The following SPOCK1 variants were observed in gnomAD, a reference collection of about 807,000 sequenced individuals.
SPOCK1 encodes SPARC (osteonectin), cwcv and kazal like domains proteoglycan 1, also known as testican-1.
A neutral mutation model predicts 55.3 loss-of-function variants in SPOCK1; 23 were observed. The ratio of observed to expected loss-of-function variants is 0.42; its 90% CI spans 0.30 to 0.59. SPOCK1 has a LOEUF of 0.59. Ranked by LOEUF, SPOCK1 falls within the 20% of genes least tolerant of loss-of-function variation. The pLI is 0.22. For synonymous variants in SPOCK1, 226 were observed against 221.0 expected (o/e 1.02, Z -0.20); for missense variants, 499 against 552.5 (o/e 0.90, Z 0.97).
intron 8 of SPOCK1, among the ~76,000 whole-genome samples, chr5:136,987,373 A>G (rs1257077341): frequency 2.0e-5 from 3 of 152,180 alleles, no homozygotes; most frequent in African/African-American, 7.2e-5. Flanking sequence ...TATACAAAGA[A>G]CATATAGACA....
chr5:137,443,369 T>G (rs1180410588), intron 2 of SPOCK1, among the ~76,000 whole-genome samples: 2 of 152,210 alleles, frequency 1.3e-5, no homozygotes, highest in Non-Finnish European at 2.9e-5. Flanking sequence ...CACTCATTTC[T>G]CCTTGCCTTT....
chr5:137,152,144 C>G (rs550214859), intron 3 of SPOCK1, among the ~76,000 whole-genome samples: 2 of 152,162 alleles, frequency 1.3e-5, no homozygotes, highest in African/African-American at 4.8e-5. Context: ...TGGTTGCATC[C>G]CCCACTATAG....
rs1420667491 is a variant in SPOCK1 at position 136,995,284 on chromosome 5, G to T, written c.590-2684C>A. The stretch of plus-strand genomic sequence containing the variant: ...TGAGAAAGAAGATAAGCCCCCACAA[G>T]CCAGGAACCAGCATCTCTTGCTAAG... On this transcript the variant is annotated intron_variant, in intron 6 of 10. Coordinates refer to ENST00000394945, the MANE Select transcript of SPOCK1 (RefSeq NM_004598.4). Among the ~76,000 whole-genome samples, 3 of 152,148 alleles carry T rather than the reference G, an allele frequency of 2.0e-5. No individual in the cohort carries two copies. The South Asian group carries it at 6.2e-4, about 32-fold the overall frequency.
At chr5:137,418,839 A>C (rs367836737) in intron 2 of SPOCK1, among the ~76,000 whole-genome samples, 38 of 152,008 alleles carry the variant, frequency 2.5e-4, no homozygotes, top group Admixed American at 1.3e-4. Flanking sequence ...GCTTTTGTTG[A>C]CATTGCTTTT....
intron 3 of SPOCK1, among the ~76,000 whole-genome samples, chr5:137,164,223 G>A (rs1025247944): frequency 6.6e-6 from 1 of 152,024 alleles, no homozygotes; most frequent in African/African-American, 2.4e-5. Flanking sequence ...GATTAAGTTT[G>A]TCTTTTTTTT....
intron 5 of SPOCK1, among the ~76,000 whole-genome samples, chr5:137,075,309 T>C (rs1157581498): frequency 6.6e-6 from 1 of 152,140 alleles, no homozygotes; most frequent in East Asian, 1.9e-4. Context: ...CCTAAGCTCC[T>C]CCCTCCCCAG....
intron 7 of SPOCK1, among the ~76,000 whole-genome samples, chr5:136,990,111 C>T (rs1474489040): frequency 2.0e-5 from 3 of 151,986 alleles, no homozygotes; most frequent in East Asian, 1.9e-4. Context: ...AGGGTTTCAC[C>T]GTGTTAGCCA....
At chr5:137,475,578 T>C (rs1395791747) in intron 2 of SPOCK1, among the ~76,000 whole-genome samples, 4 of 151,810 alleles carry the variant, frequency 2.6e-5, no homozygotes, top group African/African-American at 9.7e-5. Context: ...CTTTATTTAT[T>C]TATTTATTTA....
At chr5:137,069,826 T>C (rs548309593) in intron 5 of SPOCK1, among the ~76,000 whole-genome samples, 1 of 152,376 alleles carries the variant, frequency 6.6e-6, no homozygotes, top group Admixed American at 6.5e-5. Context: ...TATATTTTTA[T>C]GTGTCCATTT....
At chr5:137,415,544 G>C (rs1298645151) in intron 2 of SPOCK1, among the ~76,000 whole-genome samples, 1 of 152,200 alleles carries the variant, frequency 6.6e-6, no homozygotes, top group Non-Finnish European at 1.5e-5. Context: ...AAACTGCTTG[G>C]ATCCCCATTA....
chr5:137,057,838 G>A (rs754101509), intron 6 of SPOCK1, among the ~76,000 whole-genome samples: 12 of 152,206 alleles, frequency 7.9e-5, no homozygotes, highest in Non-Finnish European at 1.8e-4. Flanking sequence ...GCAGGGCAAT[G>A]GAAGAACAGT....
chr5:137,147,449 A>T (rs1185809006), intron 3 of SPOCK1, among the ~76,000 whole-genome samples: 1 of 152,218 alleles, frequency 6.6e-6, no homozygotes, highest in African/African-American at 2.4e-5. Flanking sequence ...ATTTTCTCAC[A>T]GTGCTGGGGA....
At chr5:137,495,785 G>A (rs932578060) in intron 2 of SPOCK1, among the ~76,000 whole-genome samples, 2 of 152,142 alleles carry the variant, frequency 1.3e-5, no homozygotes, top group African/African-American at 2.4e-5. Context: ...TTATTCCAGG[G>A]ACTTGCCCTA....
In SPOCK1 at chr5:137,172,433, T is replaced by C. The variant is rs149913161; in HGVS notation, c.233-31739A>G. On this transcript the variant is annotated intron_variant, in intron 3 of 10. Transcript: ENST00000394945. The stretch of plus-strand genomic sequence containing the variant: ...TGTTTCCAATCTATCTCAGTTGCCA[T>C]GTAGAAAAACCAATTATCCAGAGGC... Among the ~76,000 whole-genome samples the C allele has an allele frequency of 3.9e-5, 6 of 152,294 alleles. No individual in the cohort carries two copies. In the East Asian group the frequency reaches 1.2e-3, roughly 29 times the overall value.
chr5:137,461,668 A>G (rs1464575307), intron 2 of SPOCK1, among the ~76,000 whole-genome samples: 1 of 152,188 alleles, frequency 6.6e-6, no homozygotes, highest in Non-Finnish European at 1.5e-5. Context: ...TCTGGGCTCT[A>G]ATGAGGCTTT....
At chr5:137,275,964 C>A (rs925978897) in intron 2 of SPOCK1, among the ~76,000 whole-genome samples, 6 of 152,216 alleles carry the variant, frequency 3.9e-5, no homozygotes, top group African/African-American at 1.4e-4. Context: ...CCCTAACCAG[C>A]CTCCCTGCCT....
intron 2 of SPOCK1, among the ~76,000 whole-genome samples, chr5:137,441,247 A>G (rs1395504401): frequency 1.3e-5 from 2 of 152,186 alleles, no homozygotes; most frequent in Non-Finnish European, 2.9e-5. Flanking sequence ...CAGCCTTGGA[A>G]GCATTTGCCA....
chr5:137,122,552 G>C (rs928339339), intron 4 of SPOCK1, among the ~76,000 whole-genome samples: 3 of 152,124 alleles, frequency 2.0e-5, no homozygotes, highest in Middle Eastern at 3.2e-3. Flanking sequence ...CCATTAAAGA[G>C]AGGTCCATCT....
intron 2 of SPOCK1, among the ~76,000 whole-genome samples, chr5:137,434,559 G>A (rs1324888665): frequency 7.4e-6 from 1 of 135,688 alleles, no homozygotes; most frequent in Non-Finnish European, 1.5e-5. Context: ...TGGTGCGATG[G>A]TGCGATCTCG....
Sources: gnomAD v4.1 joint callset for allele counts (sites outside exome capture counted in the v4.1 genomes callset) on GRCh38, gnomAD v4.1.1 for gene constraint, MANE v1.5 for transcripts, NCBI Gene and HGNC (gene_info 2026-07-23, HGNC 2026-07-21) for gene names.